The following GPR176 variants were observed in gnomAD, a reference collection of about 807,000 sequenced individuals.
GPR176 encodes the protein G protein-coupled receptor 176, also known as G-protein coupled receptor 176.
GPR176 carries 26 observed loss-of-function variants against 35.4 expected under a neutral mutation model. The observed-to-expected ratio is 0.74, with a 90% CI of 0.54 to 1.02. The LOEUF is 1.02. Ranked by LOEUF, GPR176 falls within the 50% of genes least tolerant of loss-of-function variation. The pLI, the probability that GPR176 is intolerant of heterozygous loss-of-function variation, is 0.00. For missense variants in GPR176, 597 were observed against 665.3 expected (o/e 0.90, Z 1.13); for synonymous variants, 278 against 271.3 (o/e 1.02, Z -0.24).
chr15:39,828,303 G>A (rs1836850), intron 1 of GPR176, among the ~76,000 whole-genome samples: 59,114 of 151,968 alleles, frequency 0.39, 12,357 homozygotes, highest in Admixed American at 0.49. Flanking sequence ...AAAGGCCTCC[G>A]GCTCATGGCC....
chr15:39,812,745 ATTTTTT>A (rs144015459), intron 1 of GPR176, among the ~76,000 whole-genome samples: 1 of 145,080 alleles, frequency 6.9e-6, no homozygotes, highest in Non-Finnish European at 1.5e-5. Context: ...TCTAAGCTTT[ATTTTTT>A]TTTTTTTTGA....
chr15:39,854,697 T>A (rs926704022), intron 1 of GPR176, among the ~76,000 whole-genome samples: 1 of 152,170 alleles, frequency 6.6e-6, no homozygotes, highest in African/African-American at 2.4e-5. Flanking sequence ...CAGTGTCTCC[T>A]GTTGTGGTCA....
At chr15:39,885,063 A>C (rs1241724627) in intron 1 of GPR176, among the ~76,000 whole-genome samples, 1 of 152,218 alleles carries the variant, frequency 6.6e-6, no homozygotes, top group Non-Finnish European at 1.5e-5. Context: ...TTTCCCTTCA[A>C]GAAATAGTTC....
chr15:39,839,372 T>C (rs549265056), intron 1 of GPR176, among the ~76,000 whole-genome samples: 3 of 152,102 alleles, frequency 2.0e-5, no homozygotes, highest in Non-Finnish European at 2.9e-5. Flanking sequence ...AAACAAGAAA[T>C]GGGGAAAGGA....
chr15:39,841,589 T>C (rs1266839555), intron 1 of GPR176, among the ~76,000 whole-genome samples: 1 of 151,978 alleles, frequency 6.6e-6, no homozygotes, highest in African/African-American at 2.4e-5. Context: ...ATGCCAGAGA[T>C]TGCCAGCAAA....
chr15:39,832,852 C>T (rs1167236959), intron 1 of GPR176, among the ~76,000 whole-genome samples: 1 of 152,148 alleles, frequency 6.6e-6, no homozygotes, highest in Non-Finnish European at 1.5e-5. Flanking sequence ...GCCAAAATGG[C>T]TGGTCAAGTA....
intron 1 of GPR176, among the ~76,000 whole-genome samples, chr15:39,875,218 T>C (rs1232777941): frequency 7.2e-5 from 11 of 152,158 alleles, no homozygotes; most frequent in African/African-American, 2.7e-4. Context: ...CTGTCAAAAT[T>C]AATAGTTTCA....
chr15:39,820,261 A>G (rs1900182287), intron 1 of GPR176, among the ~76,000 whole-genome samples: 1 of 151,670 alleles, frequency 6.6e-6, no homozygotes, highest in South Asian at 2.1e-4. Context: ...GGCAGGAGAT[A>G]GCTGGCCAAG....
In GPR176 at chr15:39,910,836, G is replaced by A. The variant is rs957320205; in HGVS notation, c.172+9019C>T. Among the ~76,000 whole-genome samples the A allele has an allele frequency of 5.3e-5, 8 of 151,628 alleles. No homozygotes were observed. The East Asian group carries it at 1.2e-3, about 22-fold the overall frequency. Reference sequence around the variant, plus strand: ...ACGGATCACCTAAGGTCAGTAGTTCGGGACCAGCCTGGCCAACATGGTGAA... The same window carrying A: ...ACGGATCACCTAAGGTCAGTAGTTCAGGACCAGCCTGGCCAACATGGTGAA... On this transcript the variant is annotated intron_variant, in intron 1 of 2. Coordinates refer to ENST00000561100, the MANE Select transcript of GPR176 (RefSeq NM_007223.3).
chr15:39,856,529 G>A (rs1394957151), intron 1 of GPR176, among the ~76,000 whole-genome samples: 1 of 152,172 alleles, frequency 6.6e-6, no homozygotes, highest in East Asian at 1.9e-4. Flanking sequence ...AGGTTAACGG[G>A]CTGGAGGATG....
At chr15:39,877,260 T>C (rs570406163) in intron 1 of GPR176, among the ~76,000 whole-genome samples, 44 of 152,194 alleles carry the variant, frequency 2.9e-4, no homozygotes, top group Admixed American at 1.2e-3. Flanking sequence ...AAAAACAAGA[T>C]GGAGGACAAA....
At chr15:39,914,829 C>T (rs965260814) in intron 1 of GPR176, among the ~76,000 whole-genome samples, 1 of 152,104 alleles carries the variant, frequency 6.6e-6, no homozygotes, top group Non-Finnish European at 1.5e-5. Context: ...AAGAATAATC[C>T]AGCTATTCTC....
At chr15:39,839,348 G>C (rs940497665) in intron 1 of GPR176, among the ~76,000 whole-genome samples, 3 of 152,046 alleles carry the variant, frequency 2.0e-5, no homozygotes, top group African/African-American at 4.8e-5. Context: ...TCTGATCTTC[G>C]ACAAACCTGT....
chr15:39,845,018 G>A (rs1026552523), intron 1 of GPR176, among the ~76,000 whole-genome samples: 12 of 152,064 alleles, frequency 7.9e-5, no homozygotes, highest in Non-Finnish European at 1.6e-4. Context: ...AGGTGTTACC[G>A]GCACCAGGGA....
At chr15:39,884,940 G>C (rs2032616697) in intron 1 of GPR176, among the ~76,000 whole-genome samples, 1 of 152,166 alleles carries the variant, frequency 6.6e-6, no homozygotes, top group African/African-American at 2.4e-5. Flanking sequence ...TGGATACTGA[G>C]TAGGCAAGGA....
intron 1 of GPR176, chr15:39,807,624 C>G: frequency 2.0e-6 from 2 of 982,862 alleles, no homozygotes; most frequent in African/African-American, 1.6e-5. Flanking sequence ...TGTTGCCAAA[C>G]TCTGCAACAG....
chr15:39,914,552 T>C (rs370212495), intron 1 of GPR176, among the ~76,000 whole-genome samples: 4 of 152,136 alleles, frequency 2.6e-5, no homozygotes, highest in Non-Finnish European at 4.4e-5. Flanking sequence ...TCAAGTGATC[T>C]GCCCGCCTTG....
At chr15:39,863,135 C>A (rs866562513) in intron 1 of GPR176, among the ~76,000 whole-genome samples, 12 of 151,450 alleles carry the variant, frequency 7.9e-5, no homozygotes, top group African/African-American at 2.9e-4. Flanking sequence ...TCTCGGCTCA[C>A]TGCAAGCTCC....
intron 1 of GPR176, among the ~76,000 whole-genome samples, chr15:39,904,724 TC>T (rs1290036092): frequency 6.6e-6 from 1 of 152,128 alleles, no homozygotes; most frequent in African/African-American, 2.4e-5. Context: ...CAGCCTGCAC[TC>T]CCCGAACTTA....
Sources: gnomAD v4.1 joint callset for allele counts (sites outside exome capture counted in the v4.1 genomes callset) on GRCh38, gnomAD v4.1.1 for gene constraint, MANE v1.5 for transcripts, NCBI Gene and HGNC (gene_info 2026-07-23, HGNC 2026-07-21) for gene names.